The following STT3B variants were observed in gnomAD, a reference collection of about 807,000 sequenced individuals.
The protein encoded by STT3B is dolichyl-diphosphooligosaccharide--protein glycosyltransferase subunit STT3B.
STT3B carries 29 observed loss-of-function variants against 96.8 expected under a neutral mutation model. That is an observed-to-expected ratio of 0.30 (90% CI 0.22 to 0.41). STT3B has a LOEUF of 0.41. Ranked by LOEUF, STT3B falls within the 10% of genes least tolerant of loss-of-function variation. The pLI is 1.00. For synonymous variants in STT3B, 367 were observed against 360.0 expected, an observed-to-expected ratio of 1.02 and a Z score of -0.22; for missense variants, 640 against 1,022.3, an observed-to-expected ratio of 0.63 and a Z score of 5.10.
At chr3:31,614,004 C>T (rs1230632097) in intron 5 of STT3B, among the ~76,000 whole-genome samples, 1 of 151,860 alleles carries the variant, frequency 6.6e-6, no homozygotes, top group Non-Finnish European at 1.5e-5. Flanking sequence ...GTGGTCATCT[C>T]TTATCATATA....
chr3:31,553,749 C>T (rs770285083), intron 1 of STT3B, among the ~76,000 whole-genome samples: 14 of 152,168 alleles, frequency 9.2e-5, no homozygotes, highest in East Asian at 3.9e-4. Flanking sequence ...AAAAAATGAG[C>T]GAAGAAGGTA....
At chr3:31,629,214 C>T (rs901217492) in intron 13 of STT3B, 84 bp from the exon 14 acceptor site, 3 of 785,262 alleles carry the variant, frequency 3.8e-6, no homozygotes, top group Non-Finnish European at 6.4e-6. Flanking sequence ...GAAGCTTATT[C>T]TTACAGGGAA....
intron 5 of STT3B, among the ~76,000 whole-genome samples, chr3:31,606,667 G>A (rs1360647229): frequency 6.6e-6 from 1 of 152,202 alleles, no homozygotes; most frequent in East Asian, 1.9e-4. Context: ...GAGAGGTGGG[G>A]CCCTCAAAGA....
chr3:31,629,218 C>T (rs1471158230), intron 13 of STT3B, 80 bp from the exon 14 acceptor site: 6 of 798,600 alleles, frequency 7.5e-6, no homozygotes, highest in Non-Finnish European at 1.3e-5. Flanking sequence ...CTTATTCTTA[C>T]AGGGAAATGA....
chr3:31,542,208 C>T (rs1439115160), intron 1 of STT3B, among the ~76,000 whole-genome samples: 1 of 152,102 alleles, frequency 6.6e-6, no homozygotes, highest in Non-Finnish European at 1.5e-5. Context: ...TGGTTTTAAA[C>T]TATGGCTTTT....
At position 31,625,744 on chromosome 3, in the gene STT3B, A is replaced by G. The variant is rs149150749; in HGVS notation, c.1900-210A>G. ...TTATTAGCAAAATATTAGAGCATGT[A>G]TTCTGATTTTTGACTGTAAATTAGT... On this transcript the variant is annotated intron_variant, in intron 12 of 15. Coordinates refer to ENST00000295770, the MANE Select transcript of STT3B (RefSeq NM_178862.3). Among the ~76,000 whole-genome samples the G allele has an allele frequency of 4.6e-5, 7 of 152,332 alleles. 1 individual carries two copies. The highest frequency in any genetic ancestry group is 2.1e-4 in the South Asian group (1 of 4,832).
intron 1 of STT3B, among the ~76,000 whole-genome samples, chr3:31,535,482 G>A (rs1020452109): frequency 2.6e-5 from 4 of 152,042 alleles, no homozygotes; most frequent in African/African-American, 9.7e-5. Flanking sequence ...CCAGCACTTC[G>A]GAAAGCCGAG....
intron 1 of STT3B, among the ~76,000 whole-genome samples, chr3:31,554,949 C>CCTCATGATTGTTTTTACTCTCTTTTT (rs1697667403): frequency 1.3e-5 from 2 of 152,032 alleles, no homozygotes; most frequent in African/African-American, 4.8e-5. Flanking sequence ...GGTCTGTTTT[C>CCTCATGATTGTTTTTACTCTCTTTTT]TTCATGATTG....
chr3:31,543,067 CA>C (rs10696158), intron 1 of STT3B, among the ~76,000 whole-genome samples: 51 of 109,400 alleles, frequency 4.7e-4, no homozygotes, highest in South Asian at 1.9e-3. Flanking sequence ...CTCCATCTCA[CA>C]AAAAAAAAAA....
At chr3:31,619,271 TG>T (rs941750847) in intron 8 of STT3B, among the ~76,000 whole-genome samples, 2 of 152,178 alleles carry the variant, frequency 1.3e-5, no homozygotes, top group African/African-American at 4.8e-5. Flanking sequence ...TTCTAAAATC[TG>T]AAACACTGCT....
intron 5 of STT3B, among the ~76,000 whole-genome samples, chr3:31,608,489 A>G (rs1224160709): frequency 6.6e-6 from 1 of 152,222 alleles, no homozygotes; most frequent in Non-Finnish European, 1.5e-5. Context: ...AATATGACTC[A>G]TTGTGTAGTT....
intron 1 of STT3B, among the ~76,000 whole-genome samples, chr3:31,551,201 T>TTTTG (rs147580075): frequency 0.25 from 37,812 of 150,702 alleles, 5,321 homozygotes; most frequent in Admixed American, 0.41. Flanking sequence ...TTTGGGTGTT[T>TTTTG]TTTGTTTGTT....
intron 4 of STT3B, 30 bp from the exon 5 acceptor site, chr3:31,600,330 A>G (rs372704813): frequency 5.4e-5 from 53 of 989,358 alleles, no homozygotes; most frequent in Admixed American, 8.0e-5. Flanking sequence ...GTAAAAATAT[A>G]TATTTAACTT....
At chr3:31,610,416 C>T (rs955599000) in intron 5 of STT3B, among the ~76,000 whole-genome samples, 8 of 152,246 alleles carry the variant, frequency 5.3e-5, no homozygotes, top group African/African-American at 1.9e-4. Flanking sequence ...CCTTTTCTAA[C>T]TTTATTTACA....
At position 31,637,317 on chromosome 3, in the gene STT3B, CAGAAT is replaced by C. The variant is rs1376469056; in HGVS notation, c.*1256_*1260del. 6.6e-6 allele frequency: 1 copy of C among 152,096 alleles called. No homozygotes were observed. The highest frequency in any genetic ancestry group is 1.5e-5 in the Non-Finnish European group (1 of 68,000). The allele number at this position is 152,096 out of a possible 1,614,324, so 9.4% of individuals were successfully genotyped here. A position where few individuals can be genotyped will look rare whatever the true frequency, so the allele number is the denominator to read the frequency against. On this transcript the variant is annotated 3_prime_UTR_variant, in exon 16 of 16. Transcript: ENST00000295770. The stretch of plus-strand genomic sequence containing the variant: ...CACCACTGCTTTTGGTGGAAAAGTG[CAGAAT>C]AGTATGTACCTTTTATGAAGAAAAA...
chr3:31,632,803 G>A, intron 14 of STT3B, 132 bp from the exon 15 acceptor site: 1 of 766,246 alleles, frequency 1.3e-6, no homozygotes, highest in Non-Finnish European at 2.2e-6. Context: ...GAACTATTAA[G>A]GTAGATAGAT....
chr3:31,569,933 T>G (rs1456699423), intron 1 of STT3B, among the ~76,000 whole-genome samples: 1 of 152,022 alleles, frequency 6.6e-6, no homozygotes, highest in Non-Finnish European at 1.5e-5. Context: ...TATAAATATA[T>G]GTATAGATAA....
intron 4 of STT3B, 62 bp from the exon 5 acceptor site, chr3:31,600,298 C>T (rs1698901262): frequency 1.4e-6 from 1 of 712,476 alleles, no homozygotes; most frequent in Non-Finnish European, 2.2e-6. Context: ...GTTTAGATTC[C>T]TAAATATACT....
chr3:31,601,790 A>T (rs1268925497), intron 5 of STT3B, among the ~76,000 whole-genome samples: 2 of 152,216 alleles, frequency 1.3e-5, no homozygotes, highest in African/African-American at 4.8e-5. Flanking sequence ...TCAACAAAAT[A>T]AAAAAGCATA....
Sources: allele counts gnomAD v4.1 joint callset (sites outside exome capture counted in the v4.1 genomes callset), GRCh38; gene constraint gnomAD v4.1.1; transcripts MANE v1.5; gene names NCBI Gene and HGNC (gene_info 2026-07-23, HGNC 2026-07-21).